The following NTN1 variants were observed in gnomAD, a reference collection of about 807,000 sequenced individuals.
NTN1 encodes the protein netrin 1, also known as netrin-1.
Under a neutral mutation model 54.2 loss-of-function variants are expected in NTN1, and 11 were observed. That is an observed-to-expected ratio of 0.20 (90% confidence interval 0.13 to 0.34). NTN1 has a LOEUF of 0.34. Ranked by LOEUF, NTN1 falls within the 10% of genes least tolerant of loss-of-function variation. The pLI is 1.00. For missense variants in NTN1, 740 were observed against 893.1 expected (o/e 0.83, Z 2.18); for synonymous variants, 371 against 382.0 (o/e 0.97, Z 0.33).
At chr17:9,043,551 C>T (rs983250267) in intron 2 of NTN1, among the ~76,000 whole-genome samples, 2 of 151,390 alleles carry the variant, frequency 1.3e-5, no homozygotes, top group Non-Finnish European at 2.9e-5. Context: ...TTTTTATCAT[C>T]TTCTAATTGT....
intron 5 of NTN1, among the ~76,000 whole-genome samples, chr17:9,217,402 T>C (rs190448849): frequency 1.3e-5 from 2 of 152,370 alleles, no homozygotes; most frequent in African/African-American, 4.8e-5. Flanking sequence ...TCTTTATGGC[T>C]GTTTTGGAAC....
chr17:9,132,749 C>T (rs1361143219), intron 2 of NTN1, among the ~76,000 whole-genome samples: 1 of 152,140 alleles, frequency 6.6e-6, no homozygotes, highest in Non-Finnish European at 1.5e-5. Context: ...TGACACATGC[C>T]TGTAATCCCA....
chr17:9,229,540 A>G (rs1905735467), intron 6 of NTN1, among the ~76,000 whole-genome samples: 1 of 152,152 alleles, frequency 6.6e-6, no homozygotes, highest in Admixed American at 6.5e-5. Flanking sequence ...CAGCAGGAGT[A>G]GGCGCGGCAG....
At chr17:9,193,933 A>AAAAAAAAAAAAC (rs1567734905) in intron 5 of NTN1, among the ~76,000 whole-genome samples, 1 of 140,090 alleles carries the variant, frequency 7.1e-6, no homozygotes, top group African/African-American at 2.6e-5. Flanking sequence ...AAAAAAAAAA[A>AAAAAAAAAAAAC]AAAAAAAAAA....
At position 9,022,545 on chromosome 17, in the gene NTN1, G is replaced by T. The variant is rs868100002; in HGVS notation, c.172G>T (p.Ala58Ser). The change falls in exon 2 of 7, where the codon GCG becomes TCG. Residue 58 changes from alanine to serine, a missense_variant. Transcript: ENST00000173229. ...PRRCIPDFVN[A>S]AFGKDVRVSS... ...CCGCTGCATCCCGGACTTTGTCAATGCGGCCTTCGGCAAGGACGTGCGCGT... is the reference window on the plus strand; with the variant it reads ...CCGCTGCATCCCGGACTTTGTCAATTCGGCCTTCGGCAAGGACGTGCGCGT... The T allele has an allele frequency of 6.5e-7, 1 of 1,550,354 alleles. No individual in the cohort carries two copies. Among genetic ancestry groups the T allele is most frequent in the Non-Finnish European group, 8.7e-7 (1 of 1,150,102 alleles).
At chr17:9,048,115 G>T (rs925457624) in intron 2 of NTN1, among the ~76,000 whole-genome samples, 2 of 152,166 alleles carry the variant, frequency 1.3e-5, no homozygotes, top group Admixed American at 6.5e-5. Context: ...CTTACAAAAT[G>T]TGTTTCTTAA....
At chr17:9,099,369 C>T (rs1182979948) in intron 2 of NTN1, among the ~76,000 whole-genome samples, 2 of 152,198 alleles carry the variant, frequency 1.3e-5, no homozygotes, top group African/African-American at 4.8e-5. Flanking sequence ...TGCGCCATTG[C>T]ACTCCAGCCT....
At chr17:9,008,128 A>C in the NTN1 span, among the ~76,000 whole-genome samples, 2,656 of 151,854 alleles carry the variant, frequency 0.017, 79 homozygotes, top group African/African-American at 0.061. Context: ...TCATTGTCTT[A>C]TTATTAATGG....
chr17:9,084,518 C>CT (rs1184397342), intron 2 of NTN1, among the ~76,000 whole-genome samples: 2 of 152,138 alleles, frequency 1.3e-5, no homozygotes, highest in Non-Finnish European at 2.9e-5. Flanking sequence ...AGATTTCCAT[C>CT]TGGGGGGCAA....
intron 2 of NTN1, among the ~76,000 whole-genome samples, chr17:9,159,963 A>G (rs2092352836): frequency 6.6e-6 from 1 of 152,218 alleles, no homozygotes; most frequent in South Asian, 2.1e-4. Context: ...TTATGTTCAA[A>G]GGTAGTTGAC....
chr17:9,092,882 C>CT (rs2092117112), intron 2 of NTN1, among the ~76,000 whole-genome samples: 1 of 152,208 alleles, frequency 6.6e-6, no homozygotes, highest in Admixed American at 6.5e-5. Context: ...CCTCAGCCTC[C>CT]TGAGTAGCTG....
chr17:9,088,351 G>T (rs1046317061), intron 2 of NTN1, among the ~76,000 whole-genome samples: 1 of 152,184 alleles, frequency 6.6e-6, no homozygotes, highest in African/African-American at 2.4e-5. Context: ...AGGAGTTCTG[G>T]GTTCTGGGTG....
intron 2 of NTN1, among the ~76,000 whole-genome samples, chr17:9,118,051 C>T (rs1393254938): frequency 6.6e-6 from 1 of 152,186 alleles, no homozygotes; most frequent in Non-Finnish European, 1.5e-5. Flanking sequence ...CTCCCATTTT[C>T]CAGGTATGTG....
intron 6 of NTN1, among the ~76,000 whole-genome samples, chr17:9,222,877 G>A (rs935973880): frequency 2.6e-5 from 4 of 151,878 alleles, no homozygotes; most frequent in East Asian, 1.9e-4. Context: ...AAATGTTCTC[G>A]TTTATTGTGT....
Position 9,221,618 on chromosome 17 carries a change from G to T in NTN1, c.1486+376G>T, listed in dbSNP as rs1905357780. Among the ~76,000 whole-genome samples, 1 of 152,228 alleles carries T rather than the reference G, an allele frequency of 6.6e-6. No homozygotes were observed. Among genetic ancestry groups the T allele is most frequent in the South Asian group, 2.1e-4 (1 of 4,834 alleles). On this transcript the variant is annotated intron_variant, in intron 6 of 6. Coordinates refer to ENST00000173229, the MANE Select transcript of NTN1 (RefSeq NM_004822.3). This position sits in a 1 kb window ranked among gnomAD's most constrained non-coding sequence, Gnocchi z 4.5. ...TGACCCGAGTCCACGTGGCTCAAAG[G>T]GAAGCTCTCTGGGCATCAGACAAGG...
At position 9,212,510 on chromosome 17, in the gene NTN1, T is replaced by G. The variant is rs1905130727; in HGVS notation, c.1412-8658T>G. 2.6e-5 allele frequency among the ~76,000 whole-genome samples: 4 copies of G among 152,196 alleles called. No individual in the cohort carries two copies. On this transcript the variant is annotated intron_variant, in intron 5 of 6. Coordinates refer to ENST00000173229, the MANE Select transcript of NTN1 (RefSeq NM_004822.3). The surrounding 1 kb of genome is among the most constrained non-coding windows in gnomAD (Gnocchi z 5.5). ...TCTGGGCAGACTGGCCTCATTTGCC[T>G]TTTGTCACCTGCTGGTGGGCAGAAT...
At chr17:9,204,197 T>C (rs547778460) in intron 5 of NTN1, among the ~76,000 whole-genome samples, 1 of 145,392 alleles carries the variant, frequency 6.9e-6, no homozygotes, top group African/African-American at 2.7e-5. Context: ...CCTTCCCTCC[T>C]TCCTTCCTTC....
At chr17:9,138,255 A>G (rs994793021) in intron 2 of NTN1, among the ~76,000 whole-genome samples, 7 of 152,186 alleles carry the variant, frequency 4.6e-5, no homozygotes, top group Non-Finnish European at 7.3e-5. Context: ...TTTCATTTGC[A>G]TAAATTTTAG....
At chr17:9,093,537 A>T (rs967283316) in intron 2 of NTN1, among the ~76,000 whole-genome samples, 14 of 152,072 alleles carry the variant, frequency 9.2e-5, no homozygotes, top group Non-Finnish European at 1.8e-4. Flanking sequence ...GAATTTTCTT[A>T]ATTTTGGTAG....
Sources: allele counts gnomAD v4.1 joint callset (sites outside exome capture counted in the v4.1 genomes callset), GRCh38; gene constraint gnomAD v4.1.1; non-coding constraint Gnocchi (gnomAD v3.1); transcripts MANE v1.5; gene names NCBI Gene and HGNC (gene_info 2026-07-23, HGNC 2026-07-21).